FAM20B: variants seen among roughly 807,000 people sequenced by gnomAD.
FAM20B encodes FAM20B glycosaminoglycan xylosylkinase, also known as glycosaminoglycan xylosylkinase.
In FAM20B, 23 loss-of-function variants were observed where a neutral mutation model predicts 43.8. The observed-to-expected ratio is 0.53, with a 90% CI of 0.38 to 0.74. The LOEUF (loss-of-function observed/expected upper bound fraction) is 0.74, where lower values mean the gene tolerates loss of function less well. Among genes scored for constraint, FAM20B ranks in the 30% least tolerant of loss-of-function variants. The probability of loss-of-function intolerance (pLI) is 0.00; values close to 1 mark genes in which losing one functional copy is unlikely to be tolerated. For synonymous variants in FAM20B, 178 were observed against 192.4 expected (o/e 0.93, Z 0.62); for missense variants, 440 against 510.5 (o/e 0.86, Z 1.33).
At chr1:179,047,342 T>G (rs1043110570) in intron 2 of FAM20B, among the ~76,000 whole-genome samples, 1 of 152,206 alleles carries the variant, frequency 6.6e-6, no homozygotes. Context: ...AGACTTATTA[T>G]CACTATGTTC....
Position 179,071,966 on chromosome 1 carries a change from A to T in FAM20B, c.1052A>T (p.Lys351Met), listed in dbSNP as rs201521365. The change falls in exon 8 of 8, where the codon AAG (lysine) becomes ATG (methionine). Residue 351 changes from lysine to methionine, a missense_variant. Coordinates refer to ENST00000263733, the MANE Select transcript of FAM20B (RefSeq NM_014864.4). Reference sequence around the variant, plus strand: ...AACTACCTAAAGAATGGTGTGCTAAAGTCTGCCTTAAAATCTGCCATGGCC... The same window carrying T: ...AACTACCTAAAGAATGGTGTGCTAATGTCTGCCTTAAAATCTGCCATGGCC... ...RLNYLKNGVL[K>M]SALKSAMAHD... is the part of the protein sequence containing the mutation. 1.6e-4 allele frequency: 255 copies of T among 1,614,042 alleles called. No homozygotes were observed. Among genetic ancestry groups the T allele is most frequent in the Non-Finnish European group, 2.1e-4 (248 of 1,180,046 alleles).
chr1:179,047,014 A>G (rs1650802622), intron 2 of FAM20B, among the ~76,000 whole-genome samples: 1 of 152,180 alleles, frequency 6.6e-6, no homozygotes, highest in Non-Finnish European at 1.5e-5. Context: ...AGAGATCCTC[A>G]TCACACCTAC....
chr1:179,031,408 CT>C (rs1650006429), intron 1 of FAM20B, among the ~76,000 whole-genome samples: 1 of 152,104 alleles, frequency 6.6e-6, no homozygotes, highest in South Asian at 2.1e-4. Context: ...AAGTTTTTTT[CT>C]TTTTCATTTT....
chr1:179,066,957 C>A (rs910040571), intron 7 of FAM20B, 98 bp downstream of exon 7: 2 of 826,950 alleles, frequency 2.4e-6, no homozygotes, highest in Admixed American at 2.0e-5. Flanking sequence ...CTTTCTGATA[C>A]CTGAGCAGTG....
At position 179,070,119 on chromosome 1, in the gene FAM20B, C is replaced by T. The variant is rs567328293; in HGVS notation, c.999-1794C>T. 3.3e-5 allele frequency among the ~76,000 whole-genome samples: 5 copies of T among 152,182 alleles called. No homozygotes were observed. The South Asian group carries it at 1.0e-3, about 32-fold the overall frequency. On this transcript the variant is annotated intron_variant, in intron 7 of 7. Coordinates refer to ENST00000263733, the MANE Select transcript of FAM20B (RefSeq NM_014864.4). ...GGAGTGCAGTGGCGCGATCTTGGCT[C>T]ACTGCAACCTCCGCCTCCCAGGTTC...
At chr1:179,071,530 A>G (rs1021375207) in intron 7 of FAM20B, among the ~76,000 whole-genome samples, 6 of 152,138 alleles carry the variant, frequency 3.9e-5, no homozygotes, top group African/African-American at 1.2e-4. Flanking sequence ...ACCCAGCATC[A>G]TATCATAGGC....
At chr1:179,066,026 C>T (rs776288239) in intron 6 of FAM20B, among the ~76,000 whole-genome samples, 1 of 152,158 alleles carries the variant, frequency 6.6e-6, no homozygotes, top group Non-Finnish European at 1.5e-5. Flanking sequence ...AATCATCTCC[C>T]AAAGGCCCTA....
chr1:179,059,138 G>A (rs1651352251), intron 4 of FAM20B, among the ~76,000 whole-genome samples: 1 of 152,202 alleles, frequency 6.6e-6, no homozygotes, highest in South Asian at 2.1e-4. Flanking sequence ...GTCACAGTTG[G>A]TAGTTCACCC....
chr1:179,023,903 A>T (rs1649649442), upstream of FAM20B, among the ~76,000 whole-genome samples: 2 of 152,136 alleles, frequency 1.3e-5, no homozygotes, highest in Non-Finnish European at 2.9e-5. Context: ...CCCTCACAAT[A>T]CTTAGAATAT....
At chr1:179,069,241 C>G (rs1036652704) in intron 7 of FAM20B, among the ~76,000 whole-genome samples, 1 of 152,168 alleles carries the variant, frequency 6.6e-6, no homozygotes, top group Non-Finnish European at 1.5e-5. Flanking sequence ...CACCATTGAC[C>G]CACAGAAGCA....
intron 4 of FAM20B, 69 bp from the exon 5 acceptor site, chr1:179,063,858 A>G: frequency 1.8e-6 from 2 of 1,137,776 alleles, no homozygotes; most frequent in Admixed American, 4.3e-5. Context: ...TCTGTTCTGC[A>G]TTATTTGGGA....
At chr1:179,028,446 G>A (rs567288478) in intron 1 of FAM20B, among the ~76,000 whole-genome samples, 2 of 152,342 alleles carry the variant, frequency 1.3e-5, no homozygotes, top group Admixed American at 6.5e-5. Flanking sequence ...GCTGTGCATG[G>A]TGGTGCACGC....
At chr1:179,030,485 C>T (rs1181504346) in intron 1 of FAM20B, among the ~76,000 whole-genome samples, 1 of 152,092 alleles carries the variant, frequency 6.6e-6, no homozygotes, top group East Asian at 1.9e-4. Context: ...TAATCCCAGC[C>T]GATACTAGGA....
intron 1 of FAM20B, among the ~76,000 whole-genome samples, chr1:179,040,349 G>A: frequency 6.6e-6 from 1 of 151,714 alleles, no homozygotes; most frequent in African/African-American, 2.4e-5. Context: ...GGGGTGGCCG[G>A]CCGGGCGGGG....
At chr1:179,025,030 A>T (rs1649697500), upstream of FAM20B, among the ~76,000 whole-genome samples, 1 of 152,238 alleles carries the variant, frequency 6.6e-6, no homozygotes, top group Non-Finnish European at 1.5e-5. Flanking sequence ...TCCATGGAGT[A>T]ACCTGCATTA....
chr1:179,040,227 C>T (rs546912244), intron 1 of FAM20B, among the ~76,000 whole-genome samples: 3 of 152,360 alleles, frequency 2.0e-5, no homozygotes, highest in East Asian at 1.9e-4. Flanking sequence ...CATCATGGCC[C>T]GTTCCCAGTG....
chr1:179,060,217 A>G (rs948976896), intron 4 of FAM20B, among the ~76,000 whole-genome samples: 1 of 152,066 alleles, frequency 6.6e-6, no homozygotes, highest in African/African-American at 2.4e-5. Context: ...AAAGAGCTTC[A>G]TTGTTTTGTT....
chr1:179,030,679 CAG>C (rs924764894), intron 1 of FAM20B, among the ~76,000 whole-genome samples: 1 of 152,110 alleles, frequency 6.6e-6, no homozygotes, highest in Non-Finnish European at 1.5e-5. Context: ...GTCTTTAAAC[CAG>C]AGAGTTGCCA....
chr1:179,068,455 A>C (rs1651781257), intron 7 of FAM20B, among the ~76,000 whole-genome samples: 1 of 150,384 alleles, frequency 6.6e-6, no homozygotes, highest in Admixed American at 6.6e-5. Flanking sequence ...TTTTTTTTGG[A>C]GATGGAGTCT....
Sources: allele counts gnomAD v4.1 joint callset (sites outside exome capture counted in the v4.1 genomes callset), GRCh38; gene constraint gnomAD v4.1.1; transcripts MANE v1.5; gene names NCBI Gene and HGNC (gene_info 2026-07-23, HGNC 2026-07-21).